The following SYTL3 variants were observed in gnomAD, a reference collection of about 807,000 sequenced individuals.
SYTL3 encodes the protein synaptotagmin like 3.
A neutral mutation model predicts 82.1 loss-of-function variants in SYTL3; 88 were observed. The observed-to-expected ratio is 1.07, with a 90% CI of 0.90 to 1.28. SYTL3 has a LOEUF of 1.28. Ranked by LOEUF, SYTL3 falls within the 50% of genes most tolerant of loss-of-function variation. The pLI is 0.00. For synonymous variants in SYTL3, 311 were observed against 289.4 expected (o/e 1.07, Z -0.76); for missense variants, 831 against 757.6 (o/e 1.10, Z -1.14).
intron 10 of SYTL3, among the ~76,000 whole-genome samples, chr6:158,720,455 G>A (rs1051517507): frequency 1.4e-5 from 2 of 146,580 alleles, no homozygotes; most frequent in Non-Finnish European, 3.0e-5. Context: ...GTTGACCAAC[G>A]TGCCTAATGT....
chr6:158,690,813 A>G (rs1214339936), intron 6 of SYTL3, among the ~76,000 whole-genome samples: 1 of 152,128 alleles, frequency 6.6e-6, no homozygotes, highest in East Asian at 1.9e-4. Flanking sequence ...TCTGTAGTAC[A>G]TTCGAATTAT....
intron 8 of SYTL3, among the ~76,000 whole-genome samples, chr6:158,713,099 A>C (rs1406087028): frequency 6.6e-6 from 1 of 151,996 alleles, no homozygotes; most frequent in African/African-American, 2.4e-5. Context: ...TGACCTTCAA[A>C]ATCCTGCTCT....
At chr6:158,689,087 A>T (rs1779586214) in intron 6 of SYTL3, among the ~76,000 whole-genome samples, 1 of 152,186 alleles carries the variant, frequency 6.6e-6, no homozygotes, top group African/African-American at 2.4e-5. Context: ...ATTGTTGGAT[A>T]GTTAGGGGAT....
chr6:158,693,060 C>T (rs1780095547), intron 6 of SYTL3, among the ~76,000 whole-genome samples: 1 of 152,222 alleles, frequency 6.6e-6, no homozygotes, highest in Non-Finnish European at 1.5e-5. Context: ...CCCCTCATCC[C>T]TGCAATTCAT....
chr6:158,703,345 TCCCTGC>T (rs1781551659), intron 6 of SYTL3, among the ~76,000 whole-genome samples: 2 of 152,056 alleles, frequency 1.3e-5, no homozygotes, highest in South Asian at 4.2e-4. Flanking sequence ...AAGACGGGTA[TCCCTGC>T]TAAAGTCACT....
At chr6:158,696,680 A>G (rs959102017) in intron 6 of SYTL3, among the ~76,000 whole-genome samples, 4 of 151,992 alleles carry the variant, frequency 2.6e-5, no homozygotes, top group Non-Finnish European at 5.9e-5. Flanking sequence ...TGTCTATTCA[A>G]GTTCTTTGCC....
chr6:158,692,980 G>C (rs1036852141), intron 6 of SYTL3, among the ~76,000 whole-genome samples: 1 of 151,858 alleles, frequency 6.6e-6, no homozygotes, highest in Non-Finnish European at 1.5e-5. Flanking sequence ...GCAGGTGTCA[G>C]TCAATACGTA....
chr6:158,657,857 T>A (rs1194270882), intron 2 of SYTL3, among the ~76,000 whole-genome samples: 2 of 150,604 alleles, frequency 1.3e-5, no homozygotes, highest in African/African-American at 4.9e-5. Context: ...TTCCTTCCAT[T>A]TACACACTAG....
intron 11 of SYTL3, 135 bp from the exon 12 acceptor site, chr6:158,745,342 AAGC>A: frequency 1.3e-6 from 1 of 752,232 alleles, no homozygotes; most frequent in Admixed American, 3.1e-5. Context: ...GGCAAAGTAC[AAGC>A]TGGTGCATTA....
At chr6:158,743,901 C>CT (rs1439424306) in intron 11 of SYTL3, among the ~76,000 whole-genome samples, 2 of 151,984 alleles carry the variant, frequency 1.3e-5, no homozygotes, top group Non-Finnish European at 2.9e-5. Flanking sequence ...TGTCTGATGA[C>CT]TTGTTGGTAT....
intron 6 of SYTL3, among the ~76,000 whole-genome samples, chr6:158,698,134 C>T (rs1583276084): frequency 6.6e-6 from 1 of 152,024 alleles, no homozygotes; most frequent in African/African-American, 2.4e-5. Flanking sequence ...TGGTGGCTCA[C>T]GCCTGTAATT....
At chr6:158,729,109 G>A (rs962937309) in intron 11 of SYTL3, among the ~76,000 whole-genome samples, 5 of 152,180 alleles carry the variant, frequency 3.3e-5, no homozygotes, top group African/African-American at 4.8e-5. Context: ...GAATTGTGAC[G>A]CATGGTATAA....
chr6:158,760,608 T>C, intron 14 of SYTL3, 32 bp from the exon 15 acceptor site: 1 of 1,585,184 alleles, frequency 6.3e-7, no homozygotes, highest in Non-Finnish European at 8.7e-7. Context: ...ACTTGGGGAA[T>C]CCTGTCCCTA....
At chr6:158,656,441 C>T (rs1189868358) in intron 2 of SYTL3, among the ~76,000 whole-genome samples, 1 of 152,150 alleles carries the variant, frequency 6.6e-6, no homozygotes, top group Non-Finnish European at 1.5e-5. Context: ...AAATGTCATC[C>T]TTGGCCGGGT....
intron 5 of SYTL3, among the ~76,000 whole-genome samples, chr6:158,677,915 G>A (rs113838835): frequency 4.6e-5 from 7 of 152,010 alleles, no homozygotes; most frequent in South Asian, 2.1e-4. Flanking sequence ...TTTGAGAGAC[G>A]GTCTCACACT....
At chr6:158,716,114 T>C (rs955385793) in intron 9 of SYTL3, among the ~76,000 whole-genome samples, 1 of 152,088 alleles carries the variant, frequency 6.6e-6, no homozygotes, top group African/African-American at 2.4e-5. Flanking sequence ...AGGAAATGAG[T>C]GGCTGCAGCT....
chr6:158,681,089 T>C (rs75170946), intron 5 of SYTL3, among the ~76,000 whole-genome samples: 2,158 of 152,332 alleles, frequency 0.014, 49 homozygotes, highest in African/African-American at 0.049. Context: ...GAATCAGTCA[T>C]GAGTTGAAGT....
chr6:158,676,966 A>C (rs2128395720), intron 5 of SYTL3, among the ~76,000 whole-genome samples: 1 of 152,270 alleles, frequency 6.6e-6, no homozygotes, highest in East Asian at 1.9e-4. Context: ...TGGGACTGTA[A>C]ACTAGTTCAA....
At chr6:158,723,433 T>A (rs1228250038) in intron 10 of SYTL3, among the ~76,000 whole-genome samples, 1 of 152,164 alleles carries the variant, frequency 6.6e-6, no homozygotes, top group Non-Finnish European at 1.5e-5. Flanking sequence ...CCACTGACGT[T>A]GACTCCATTT....
Sources: allele counts gnomAD v4.1 joint callset (sites outside exome capture counted in the v4.1 genomes callset), GRCh38; gene constraint gnomAD v4.1.1; transcripts MANE v1.5; gene names NCBI Gene and HGNC (gene_info 2026-07-23, HGNC 2026-07-21).